The following CORO7 variants were observed in gnomAD, a reference collection of about 807,000 sequenced individuals.
CORO7 encodes coronin 7.
A neutral mutation model predicts 126.6 loss-of-function variants in CORO7; 107 were observed. The observed-to-expected ratio is 0.85, with a 90% CI of 0.72 to 0.99. The LOEUF is 0.99. CORO7 is among the 50% of genes least tolerant of loss of function. CORO7 has a pLI of 0.00. For synonymous variants in CORO7, 603 were observed against 536.8 expected, an observed-to-expected ratio of 1.12 and a Z score of -1.70; for missense variants, 1,314 against 1,255.8, an observed-to-expected ratio of 1.05 and a Z score of -0.70.
chr16:4,357,677 G>A (rs1273989632), intron 25 of CORO7: 4 of 445,622 alleles, frequency 9.0e-6, no homozygotes, highest in South Asian at 3.9e-5. Flanking sequence ...TTTCTATGGC[G>A]CAGATCTAAG....
At chr16:4,375,492 T>C (rs1286502857) in intron 9 of CORO7, among the ~76,000 whole-genome samples, 1 of 139,028 alleles carries the variant, frequency 7.2e-6, no homozygotes, top group African/African-American at 2.6e-5. Context: ...CTCCTAGACA[T>C]TCTTTTTGTT....
In CORO7 at chr16:4,361,460, G is replaced by C; in HGVS notation, c.1588C>G (p.Pro530Ala). 6.2e-7 allele frequency: 1 copy of C among 1,611,646 alleles called. No individual in the cohort carries two copies. The highest frequency in any genetic ancestry group is 2.2e-5 in the East Asian group (1 of 44,874). Residue 530 changes from proline to alanine, a missense_variant, in exon 17 of 28, where the codon CCT becomes GCT. Transcript: ENST00000251166. ...AGTGCCGTGTCGGGCAGGCGGCCAG[G>C]CTTCCGTAGCTGTGGGAGGTGCCCC... ...GQVAVLELRK[P>A]GRLPDTALPT...
At chr16:4,380,999 G>T (rs774736538) in intron 9 of CORO7, 58 of 1,607,508 alleles carry the variant, frequency 3.6e-5, no homozygotes, top group Admixed American at 1.7e-5. Flanking sequence ...TGCACTGCCC[G>T]CCAGGGGACC....
intron 9 of CORO7, among the ~76,000 whole-genome samples, chr16:4,369,584 G>C (rs1209898106): frequency 4.6e-5 from 7 of 152,224 alleles, no homozygotes; most frequent in Non-Finnish European, 1.0e-4. Flanking sequence ...GGCACGAGCA[G>C]TTTCAGCCTC....
intron 9 of CORO7, among the ~76,000 whole-genome samples, chr16:4,370,918 T>C (rs961497127): frequency 2.6e-5 from 4 of 152,188 alleles, no homozygotes; most frequent in African/African-American, 9.7e-5. Flanking sequence ...GGAGCTGAGC[T>C]GGGCCCCCAA....
intron 5 of CORO7, 63 bp from the exon 6 acceptor site, chr16:4,405,630 C>G: frequency 4.7e-6 from 7 of 1,503,742 alleles, no homozygotes; most frequent in East Asian, 2.3e-5. Context: ...TGGGTGGGGG[C>G]GGGCCTTGCT....
intron 9 of CORO7, among the ~76,000 whole-genome samples, chr16:4,365,780 T>C (rs1322210011): frequency 6.6e-6 from 1 of 151,874 alleles, no homozygotes; most frequent in Non-Finnish European, 1.5e-5. Context: ...CCTGCGTCAC[T>C]CCAGGACTGG....
chr16:4,364,418 A>G lies in CORO7; in HGVS notation c.1138-5T>C. The G allele has an allele frequency of 8.0e-6, 12 of 1,499,612 alleles. No homozygotes were observed. The highest frequency in any genetic ancestry group is 9.8e-6 in the Non-Finnish European group (11 of 1,126,656). The allele number at this position is 1,499,612 out of a possible 1,614,324, so 92.9% of individuals were successfully genotyped here. A position where few individuals can be genotyped will look rare whatever the true frequency, so the allele number is the denominator to read the frequency against. ...GTTGAGGCTGACCTTCTGCACCTGC[A>G]TGGAGGCCGGCAGTGGGGAGATGGG... is the stretch of plus-strand genomic sequence containing the variant. On this transcript the variant is annotated splice_polypyrimidine_tract_variant and splice_region_variant and intron_variant, in intron 13 of 27. Coordinates refer to ENST00000251166, the MANE Select transcript of CORO7 (RefSeq NM_024535.5).
chr16:4,412,565 T>A lies in CORO7; in HGVS notation c.158-135A>T. ...AGCCTCTACCAATCACAAGATCATA[T>A]CCTCTGCACGTAGCAATGGCCTGTG... is the stretch of plus-strand genomic sequence containing the variant. On this transcript the variant is annotated intron_variant, in intron 2 of 27. Transcript: ENST00000251166. The A allele has an allele frequency of 7.0e-6, 6 of 859,212 alleles. No homozygotes were observed. The South Asian group carries it at 8.2e-5, about 12-fold the overall frequency. 53.2% of individuals were successfully genotyped at this position (859,212 alleles called of 1,614,324 possible). A position where few individuals can be genotyped will look rare whatever the true frequency, so the allele number is the denominator to read the frequency against.
chr16:4,406,182 C>G (rs1228135036), intron 5 of CORO7, among the ~76,000 whole-genome samples: 4 of 152,000 alleles, frequency 2.6e-5, no homozygotes, highest in Non-Finnish European at 5.9e-5. Flanking sequence ...GTATTTTTAG[C>G]AGGGACGGAA....
chr16:4,378,929 G>A (rs962076770), intron 9 of CORO7, among the ~76,000 whole-genome samples: 3 of 152,148 alleles, frequency 2.0e-5, no homozygotes, highest in Admixed American at 6.5e-5. Flanking sequence ...CTGGCAGTGC[G>A]ATACTACACG....
chr16:4,404,911 T>G lies in CORO7; in HGVS notation c.564+580A>C, dbSNP rs149187332. Among the ~76,000 whole-genome samples, 507 of 152,108 alleles carry G rather than the reference T, an allele frequency of 3.3e-3. 6 individuals carry two copies. Among genetic ancestry groups the G allele is most frequent in the African/African-American group, 0.012 (486 of 41,502 alleles). ...CTGCCCTACTCTGGCCTTTAACACTTCATTGCCTTCCCATTACCCCTACGG... is the reference window on the plus strand; with the variant it reads ...CTGCCCTACTCTGGCCTTTAACACTGCATTGCCTTCCCATTACCCCTACGG... On this transcript the variant is annotated intron_variant, in intron 6 of 27. Transcript: ENST00000251166.
intron 9 of CORO7, among the ~76,000 whole-genome samples, chr16:4,384,746 G>A (rs1172980260): frequency 6.6e-6 from 1 of 152,196 alleles, no homozygotes; most frequent in Non-Finnish European, 1.5e-5. Context: ...AGTGGGCCTG[G>A]GTGGGGCCCC....
intron 9 of CORO7, among the ~76,000 whole-genome samples, chr16:4,376,226 C>T (rs765769135): frequency 1.3e-5 from 2 of 152,168 alleles, no homozygotes; most frequent in Non-Finnish European, 2.9e-5. Context: ...GAAGGGGAGA[C>T]GGGGCGGACC....
chr16:4,406,945 A>AT (rs2056021257), intron 5 of CORO7, among the ~76,000 whole-genome samples: 2 of 114,230 alleles, frequency 1.8e-5, no homozygotes, highest in African/African-American at 6.8e-5. Flanking sequence ...GGCCAAAGTT[A>AT]TTTTTTATTT....
intron 6 of CORO7, among the ~76,000 whole-genome samples, chr16:4,398,385 C>T (rs942866334): frequency 3.3e-5 from 5 of 151,028 alleles, no homozygotes; most frequent in South Asian, 2.2e-4. Context: ...AGTATCAGGC[C>T]GGGCGCGGTG....
chr16:4,380,888 G>C (rs917375545), intron 9 of CORO7: 5 of 1,535,550 alleles, frequency 3.3e-6, no homozygotes, highest in Non-Finnish European at 4.4e-6. Flanking sequence ...ATGTGCTCCA[G>C]GGTCCCTCTG....
intron 23 of CORO7, 28 bp downstream of exon 23, chr16:4,359,267 TC>T: frequency 1.3e-6 from 2 of 1,568,764 alleles, no homozygotes; most frequent in Non-Finnish European, 8.6e-7. Context: ...TGTGGTCCCA[TC>T]GGGGACGAGG....
intron 9 of CORO7, among the ~76,000 whole-genome samples, chr16:4,385,574 T>TC (rs1300027911): frequency 6.6e-6 from 1 of 152,016 alleles, no homozygotes; most frequent in African/African-American, 2.4e-5. Flanking sequence ...CCTCTCGTTA[T>TC]CCCCCCACCT....
Sources: gnomAD v4.1 joint callset for allele counts (sites outside exome capture counted in the v4.1 genomes callset) on GRCh38, gnomAD v4.1.1 for gene constraint, MANE v1.5 for transcripts, NCBI Gene and HGNC (gene_info 2026-07-23, HGNC 2026-07-21) for gene names.